The following NOL9 variants were observed in gnomAD, a reference collection of about 807,000 sequenced individuals.
NOL9 encodes the protein polynucleotide 5'-hydroxyl-kinase NOL9.
Under a neutral mutation model 67.9 loss-of-function variants are expected in NOL9, and 28 were observed. That is an observed-to-expected ratio of 0.41 (90% CI 0.31 to 0.57). NOL9 has a LOEUF of 0.57. Ranked by LOEUF, NOL9 falls within the 20% of genes least tolerant of loss-of-function variation. The pLI, the probability that NOL9 is intolerant of heterozygous loss-of-function variation, is 0.25. For synonymous variants in NOL9, 356 were observed against 352.2 expected (o/e 1.01, Z -0.12); for missense variants, 777 against 897.0 (o/e 0.87, Z 1.71).
chr1:6,526,507 C>T (rs1209102827), intron 11 of NOL9, among the ~76,000 whole-genome samples, 189 bp downstream of exon 11: 2 of 152,146 alleles, frequency 1.3e-5, no homozygotes, highest in Non-Finnish European at 2.9e-5. Context: ...ACTGACACCA[C>T]GAGGGACAGT....
intron 3 of NOL9, among the ~76,000 whole-genome samples, 181 bp from the exon 4 acceptor site, chr1:6,545,361 G>A (rs1054612806): frequency 5.3e-5 from 8 of 152,072 alleles, no homozygotes; most frequent in Non-Finnish European, 7.4e-5. Context: ...AGTTATCCAC[G>A]TCTATTTTCA....
rs917882462 is a variant in NOL9 at position 6,533,290 on chromosome 1, T to A, written c.1227A>T (p.Gly409=). ...CACATGCAGGCTTACCTGAAACCCA[T>A]CCCATAGTGTTGACGATGAGAGGGG... The part of the protein sequence containing the change: ...RESPLIVNTM[G]WVSDQGLLLL... The change falls in exon 7 of 12, where the codon GGA becomes GGT. Residue 409 remains glycine, a synonymous_variant. Transcript: ENST00000377705. 6.2e-7 allele frequency: 1 copy of A among 1,600,550 alleles called. No homozygotes were observed. Among genetic ancestry groups the A allele is most frequent in the Non-Finnish European group, 8.5e-7 (1 of 1,171,480 alleles).
At chr1:6,527,791 C>T (rs1025122153) in intron 10 of NOL9, among the ~76,000 whole-genome samples, 9 of 152,084 alleles carry the variant, frequency 5.9e-5, no homozygotes, top group Non-Finnish European at 1.3e-4. Context: ...ATTAGCTGGG[C>T]GTGGTGGCAC....
intron 1 of NOL9, among the ~76,000 whole-genome samples, chr1:6,552,883 C>T (rs1249865076): frequency 6.6e-6 from 1 of 152,068 alleles, no homozygotes; most frequent in Non-Finnish European, 1.5e-5. Context: ...GTGATCTTGG[C>T]TCACTGCAAC....
intron 3 of NOL9, 116 bp from the exon 4 acceptor site, chr1:6,545,296 T>C: frequency 9.6e-7 from 1 of 1,042,522 alleles, no homozygotes. Flanking sequence ...TTCCTCCCTT[T>C]GTCTCCTGCC....
At chr1:6,533,121 G>C (rs892109454) in intron 7 of NOL9, among the ~76,000 whole-genome samples, 159 bp downstream of exon 7, 5 of 152,218 alleles carry the variant, frequency 3.3e-5, no homozygotes, top group Non-Finnish European at 7.3e-5. Context: ...GATGCAGTGA[G>C]CCGAGATCAC....
chr1:6,554,057 T>C, intron 1 of NOL9, 50 bp downstream of exon 1: 1 of 1,443,426 alleles, frequency 6.9e-7, no homozygotes, highest in African/African-American at 1.5e-5. Flanking sequence ...CGGGGCTGCC[T>C]CTCCAGCCCT....
chr1:6,544,975 G>A lies in NOL9; in HGVS notation c.881-53C>T, dbSNP rs372516795. On this transcript the variant is annotated intron_variant, in intron 4 of 11. Coordinates refer to ENST00000377705, the MANE Select transcript of NOL9 (RefSeq NM_024654.5). ...AGAATTAGCCGTCTTCCTTGGACTC[G>A]AATTATGACTAATCTTCCTCTGGGG... 1.6e-4 allele frequency: 260 copies of A among 1,614,062 alleles called. 3 individuals carry two copies. The South Asian group carries it at 1.7e-3, about 11-fold the overall frequency.
chr1:6,544,198 G>C lies in NOL9; in HGVS notation c.977+628C>G, dbSNP rs1639363862. 2.0e-5 allele frequency among the ~76,000 whole-genome samples: 3 copies of C among 151,946 alleles called. No individual in the cohort carries two copies. The South Asian group carries it at 6.2e-4, about 32-fold the overall frequency. On this transcript the variant is annotated intron_variant, in intron 5 of 11. Coordinates refer to ENST00000377705, the MANE Select transcript of NOL9 (RefSeq NM_024654.5). Reference sequence around the variant, plus strand: ...CGTGGGAGGCTGAAGTGGGAGGACTGCTTGAACCCAGGACGTCAAGGCTGC... The same window carrying C: ...CGTGGGAGGCTGAAGTGGGAGGACTCCTTGAACCCAGGACGTCAAGGCTGC...
chr1:6,532,346 C>T (rs1639047949), intron 8 of NOL9, 117 bp downstream of exon 8: 2 of 966,582 alleles, frequency 2.1e-6, no homozygotes, highest in Admixed American at 2.5e-5. Context: ...TGTGCATGCA[C>T]AGCTGTGACA....
chr1:6,540,109 C>T (rs942425991), intron 6 of NOL9, among the ~76,000 whole-genome samples: 1 of 142,174 alleles, frequency 7.0e-6, no homozygotes, highest in Non-Finnish European at 1.5e-5. Flanking sequence ...CCTCAGCCTC[C>T]CAAGGAGAGT....
In NOL9 at chr1:6,551,953, T is replaced by C. The variant is rs1447211792; in HGVS notation, c.397-1338A>G. On this transcript the variant is annotated intron_variant, in intron 1 of 11. Transcript: ENST00000377705. ...GGGAGGCTGAGGCAGGAGAATGGCGTGAACCCGGGAGGCGGAGCTTGCAGT... is the reference window on the plus strand; with the variant it reads ...GGGAGGCTGAGGCAGGAGAATGGCGCGAACCCGGGAGGCGGAGCTTGCAGT... Among the ~76,000 whole-genome samples, 3 of 152,086 alleles carry C rather than the reference T, an allele frequency of 2.0e-5. No homozygotes were observed. The East Asian group carries it at 5.8e-4, about 29-fold the overall frequency.
chr1:6,526,838 C>G lies in NOL9; in HGVS notation c.1826-9G>C. The G allele has an allele frequency of 6.3e-7, 1 of 1,582,682 alleles. No homozygotes were observed. Among genetic ancestry groups the G allele is most frequent in the Non-Finnish European group, 8.6e-7 (1 of 1,166,258 alleles). On this transcript the variant is annotated splice_polypyrimidine_tract_variant and intron_variant, in intron 10 of 11. Coordinates refer to ENST00000377705, the MANE Select transcript of NOL9 (RefSeq NM_024654.5). The stretch of plus-strand genomic sequence containing the variant: ...AATGCCTCTACAGATGCCTTCAAGA[C>G]ACGCGCACAACACAAAAATCACCCT...
chr1:6,536,600 G>A (rs915717864), intron 6 of NOL9, among the ~76,000 whole-genome samples: 7 of 152,018 alleles, frequency 4.6e-5, no homozygotes, highest in African/African-American at 1.7e-4. Context: ...GGCTTAGGTG[G>A]GAGGATCACT....
intron 6 of NOL9, among the ~76,000 whole-genome samples, chr1:6,535,423 G>A (rs1639130395): frequency 6.6e-6 from 1 of 152,202 alleles, no homozygotes; most frequent in African/African-American, 2.4e-5. Context: ...AAAAAAGGAT[G>A]GAGCCATGGA....
In NOL9 at chr1:6,525,904, GT is replaced by G. The variant is rs1638872739; in HGVS notation, c.2058del (p.His687IlefsTer15). The G allele has an allele frequency of 6.2e-7, 1 of 1,614,022 alleles. No individual in the cohort carries two copies. Among genetic ancestry groups the G allele is most frequent in the African/African-American group, 1.3e-5 (1 of 74,896 alleles). Reference sequence around the variant, plus strand: ...GGTCTTCGGTATGGTTTCTCTTTATGTGCCTCCTCAGGTTCTCTTGCTCCAA... The same window carrying G: ...GGTCTTCGGTATGGTTTCTCTTTATGGCCTCCTCAGGTTCTCTTGCTCCAA... ...EKIGAREPEE[A>X]HKEKPYRRPK... is the part of the protein sequence containing the mutation. On this transcript the variant is annotated frameshift_variant, in exon 12 of 12. Coordinates refer to ENST00000377705, the MANE Select transcript of NOL9 (RefSeq NM_024654.5). LOFTEE classifies it low-confidence loss of function (END_TRUNC).
chr1:6,536,947 C>T (rs1003109858), intron 6 of NOL9, among the ~76,000 whole-genome samples: 1 of 151,980 alleles, frequency 6.6e-6, no homozygotes, highest in Non-Finnish European at 1.5e-5. Flanking sequence ...TCCAAGGCTG[C>T]GGTGAGCTAT....
At position 6,532,517 on chromosome 1, in the gene NOL9, T is replaced by C. The variant is rs373916884; in HGVS notation, c.1481A>G (p.His494Arg). 6 of 1,614,104 alleles carry C rather than the reference T, an allele frequency of 3.7e-6. No homozygotes were observed. Among genetic ancestry groups the C allele is most frequent in the Non-Finnish European group, 5.1e-6 (6 of 1,180,016 alleles). ...GTCTGTATAAACACCTATCAGTTTA[T>C]GTCCAGTGAACTCAACTGGACTCTC... ...EKESPVEFTG[H>R]KLIGVYTDFA... The change falls in exon 8 of 12, where the codon CAT becomes CGT. Residue 494 changes from histidine to arginine, a missense_variant. By Grantham distance (29) the His-to-Arg change is conservative (BLOSUM62 0). Transcript: ENST00000377705.
Position 6,521,455 on chromosome 1 carries a change from C to A in NOL9, c.*4399G>T, listed in dbSNP as rs1030398975. The A allele has an allele frequency of 6.6e-6, 1 of 152,170 alleles. No individual in the cohort carries two copies. The highest frequency in any genetic ancestry group is 1.5e-5 in the Non-Finnish European group (1 of 68,028). 9.4% of individuals were successfully genotyped at this position (152,170 alleles called of 1,614,324 possible). A position where few individuals can be genotyped will look rare whatever the true frequency, so the allele number is the denominator to read the frequency against. On this transcript the variant is annotated 3_prime_UTR_variant, in exon 12 of 12. Transcript: ENST00000377705. ...AAATACACACACACACAGCAGAACCCCAGCTGAGACACCTCACAGTGTCAG... is the reference window on the plus strand; with the variant it reads ...AAATACACACACACACAGCAGAACCACAGCTGAGACACCTCACAGTGTCAG...
Sources: allele counts gnomAD v4.1 joint callset (sites outside exome capture counted in the v4.1 genomes callset), GRCh38; gene constraint gnomAD v4.1.1; transcripts MANE v1.5; gene names NCBI Gene and HGNC (gene_info 2026-07-23, HGNC 2026-07-21).